Variants in MOGAT2 observed in about 807,000 individuals in gnomAD.
MOGAT2 encodes 2-acylglycerol O-acyltransferase 2.
A neutral mutation model predicts 31.5 loss-of-function variants in MOGAT2; 27 were observed. That is an observed-to-expected ratio of 0.86 (90% CI 0.63 to 1.18). MOGAT2 has a LOEUF of 1.18. Ranked by LOEUF, MOGAT2 falls within the 50% of genes most tolerant of loss-of-function variation. The probability of loss-of-function intolerance (pLI) is 0.00; values close to 1 mark genes in which losing one functional copy is unlikely to be tolerated. For missense variants in MOGAT2, 436 were observed against 433.2 expected, an observed-to-expected ratio of 1.01 and a Z score of -0.06; for synonymous variants, 163 against 170.0, an observed-to-expected ratio of 0.96 and a Z score of 0.32.
chr11:75,731,455 C>A lies in MOGAT2; in HGVS notation c.*169C>A. 1 of 696,076 alleles carries A rather than the reference C, an allele frequency of 1.4e-6. No individual in the cohort carries two copies. Among genetic ancestry groups the A allele is most frequent in the Non-Finnish European group, 2.1e-6 (1 of 470,092 alleles). 43.1% of individuals were successfully genotyped at this position (696,076 alleles called of 1,614,324 possible). ...GGCAATGCAGAAGAGGAGACCAGAC[C>A]AAGGGGTCAGCTGGGGCTAGGACAG... is the stretch of plus-strand genomic sequence containing the variant. On this transcript the variant is annotated 3_prime_UTR_variant, in exon 6 of 6. Transcript: ENST00000198801.
chr11:75,718,251 G>A (rs968358489), intron 1 of MOGAT2, among the ~76,000 whole-genome samples: 1 of 152,202 alleles, frequency 6.6e-6, no homozygotes, highest in African/African-American at 2.4e-5. Flanking sequence ...CTTGGATGAA[G>A]ACCAGTCTGC....
At chr11:75,727,870 G>A (rs2135736191) in intron 3 of MOGAT2, 100 bp from the exon 4 acceptor site, 1 of 1,286,722 alleles carries the variant, frequency 7.8e-7, no homozygotes, top group South Asian at 1.5e-5. Flanking sequence ...AAAACCCCAG[G>A]CCTCAGTAGG....
chr11:75,717,989 G>A lies in MOGAT2; in HGVS notation c.91+10G>A. The A allele has an allele frequency of 6.2e-7, 1 of 1,613,716 alleles. No homozygotes were observed. Among genetic ancestry groups the A allele is most frequent in the Non-Finnish European group, 8.5e-7 (1 of 1,179,662 alleles). ...TCCTTCTTGGCACTGGGTAAGTTGG[G>A]CTGCACTGTAAGACGGGAGACCACC... On this transcript the variant is annotated intron_variant, in intron 1 of 5. Transcript: ENST00000198801.
Position 75,731,278 on chromosome 11 carries a change from T to C in MOGAT2, c.997T>C (p.Phe333Leu). ...CATCCCTGCTGACCAGCACTTGGAG[T>C]TCTGCTGAGCCCAAAGGGCAGGGCC... ...FNIPADQHLE[F>L]C Residue 333 changes from phenylalanine (F) to leucine (L), a missense_variant, in exon 6 of 6, where the codon TTC (phenylalanine) becomes CTC (leucine). Physicochemically the swap from Phe to Leu is conservative, Grantham distance 22. Coordinates refer to ENST00000198801, the MANE Select transcript of MOGAT2 (RefSeq NM_025098.4). 6.2e-7 allele frequency: 1 copy of C among 1,613,980 alleles called. No individual in the cohort carries two copies. The highest frequency in any genetic ancestry group is 8.5e-7 in the Non-Finnish European group (1 of 1,179,934).
chr11:75,728,341 A>G, intron 4 of MOGAT2, 197 bp downstream of exon 4: 1 of 711,766 alleles, frequency 1.4e-6, no homozygotes, highest in Non-Finnish European at 2.5e-6. Flanking sequence ...CAGTGATCTA[A>G]GAAACTAGGT....
intron 1 of MOGAT2, chr11:75,719,779 C>A: frequency 1.8e-6 from 1 of 556,260 alleles, no homozygotes; most frequent in Non-Finnish European, 3.2e-6. Flanking sequence ...AGGCTCAACG[C>A]GTGCTCCCAG....
At chr11:75,724,644 AGAGT>A (rs1944405080) in intron 2 of MOGAT2, among the ~76,000 whole-genome samples, 1 of 151,986 alleles carries the variant, frequency 6.6e-6, no homozygotes, top group Non-Finnish European at 1.5e-5. Context: ...CCTGGGTGAC[AGAGT>A]GAGACTGTCT....
intron 2 of MOGAT2, among the ~76,000 whole-genome samples, chr11:75,725,525 G>GAC (rs1944414143): frequency 6.7e-6 from 1 of 149,206 alleles, no homozygotes. Context: ...TCCAGCCTGG[G>GAC]CAACAGAGTG....
chr11:75,721,821 C>T (rs1944378948), intron 2 of MOGAT2, among the ~76,000 whole-genome samples: 1 of 152,140 alleles, frequency 6.6e-6, no homozygotes, highest in African/African-American at 2.4e-5. Context: ...GGAAACAAAC[C>T]CACCAAAGTT....
intron 1 of MOGAT2, among the ~76,000 whole-genome samples, chr11:75,719,003 G>C (rs566032716): frequency 6.8e-6 from 1 of 148,140 alleles, no homozygotes; most frequent in Non-Finnish European, 1.5e-5. Context: ...ACACACACAC[G>C]TACTTCCTCA....
In MOGAT2 at chr11:75,728,019, G is replaced by A; in HGVS notation, c.525G>A (p.Lys175=). The change falls in exon 4 of 6, where the codon AAG becomes AAA. Residue 175 remains lysine (K), a synonymous_variant. Transcript: ENST00000198801. ...GTGCTGCTCACATTCTGAACAGGAA[G>A]GGTGGCGGAAACTTGCTGGGCATCA... ...KESAAHILNR[K]GGGNLLGIIV... The A allele has an allele frequency of 6.2e-7, 1 of 1,613,918 alleles. No homozygotes were observed.
At chr11:75,725,476 A>T (rs557615601) in intron 2 of MOGAT2, among the ~76,000 whole-genome samples, 1 of 152,208 alleles carries the variant, frequency 6.6e-6, no homozygotes, top group South Asian at 2.1e-4. Context: ...TGAACCTGGG[A>T]GGTGGAGGTT....
In MOGAT2 at chr11:75,728,935, G is replaced by T; in HGVS notation, c.796G>T (p.Val266Phe). 6.2e-7 allele frequency: 1 copy of T among 1,614,152 alleles called. No individual in the cohort carries two copies. The highest frequency in any genetic ancestry group is 8.5e-7 in the Non-Finnish European group (1 of 1,180,036). The change falls in exon 5 of 6, where the codon GTC becomes TTC. Residue 266 changes from valine (V) to phenylalanine (F), a missense_variant. Val to Phe is a conservative substitution (Grantham distance 50). Transcript: ENST00000198801. ...ISLPLFHGRG[V>F]FQYSFGLIPY... The stretch of plus-strand genomic sequence containing the variant: ...CCTCCCACTCTTTCATGGCCGTGGT[G>T]TCTTCCAGTACAGCTTTGGTTTAAT...
At chr11:75,723,150 C>T (rs990938682) in intron 2 of MOGAT2, among the ~76,000 whole-genome samples, 5 of 151,918 alleles carry the variant, frequency 3.3e-5, no homozygotes, top group African/African-American at 4.8e-5. Context: ...TTAGTAGAGA[C>T]GGGATTTCAC....
chr11:75,729,747 T>TG (rs1555053903), intron 5 of MOGAT2, among the ~76,000 whole-genome samples: 23 of 139,182 alleles, frequency 1.7e-4, no homozygotes, highest in East Asian at 1.6e-3. Flanking sequence ...ATTCTTTTTT[T>TG]TTTTTGTTTT....
chr11:75,731,060 C>T lies in MOGAT2; in HGVS notation c.851-72C>T, dbSNP rs1157326684. ...AAGAGCACTTTTCTGCAGGGATGAACCATGGGGGTGGGCACCTGCACCGAG... is the reference window on the plus strand; with the variant it reads ...AAGAGCACTTTTCTGCAGGGATGAATCATGGGGGTGGGCACCTGCACCGAG... On this transcript the variant is annotated intron_variant, in intron 5 of 5. Coordinates refer to ENST00000198801, the MANE Select transcript of MOGAT2 (RefSeq NM_025098.4). 7.0e-6 allele frequency: 10 copies of T among 1,419,920 alleles called. No individual in the cohort carries two copies. In the Admixed American group the frequency reaches 1.2e-4, roughly 17 times the overall value. 88.0% of individuals were successfully genotyped at this position (1,419,920 alleles called of 1,614,324 possible).
intron 1 of MOGAT2, among the ~76,000 whole-genome samples, chr11:75,718,351 G>A (rs1413483015): frequency 6.6e-6 from 1 of 152,190 alleles, no homozygotes. Flanking sequence ...ATTTCCTTCT[G>A]TGCGCTCAGG....
At chr11:75,725,393 C>T (rs1182243960) in intron 2 of MOGAT2, among the ~76,000 whole-genome samples, 1 of 151,888 alleles carries the variant, frequency 6.6e-6, no homozygotes, top group Non-Finnish European at 1.5e-5. Flanking sequence ...CTAAAAAATA[C>T]AAAATTTAGC....
chr11:75,726,277 C>A (rs1256690864), intron 2 of MOGAT2, among the ~76,000 whole-genome samples: 1 of 152,202 alleles, frequency 6.6e-6, no homozygotes, highest in East Asian at 1.9e-4. Flanking sequence ...GGGTGCCATG[C>A]ATCATGCATA....
Sources: allele counts gnomAD v4.1 joint callset (sites outside exome capture counted in the v4.1 genomes callset), GRCh38; gene constraint gnomAD v4.1.1; transcripts MANE v1.5; gene names NCBI Gene and HGNC (gene_info 2026-07-23, HGNC 2026-07-21).